Variants in COL11A2 observed in about 807,000 individuals in gnomAD.
COL11A2 encodes the protein collagen type XI alpha 2 chain, also known as collagen alpha-2(XI) chain.
A neutral mutation model predicts 273.4 loss-of-function variants in COL11A2; 116 were observed. That is an observed-to-expected ratio of 0.42 (90% CI 0.36 to 0.49). COL11A2 has a LOEUF of 0.49. COL11A2 is among the 20% of genes least tolerant of loss of function. The pLI is 0.00. For missense variants in COL11A2, 1,866 were observed against 2,309.0 expected (o/e 0.81, Z 3.93); for synonymous variants, 782 against 864.2 (o/e 0.90, Z 1.67).
At chr6:33,193,482 C>T (rs1387677695), upstream of COL11A2, 1 of 149,968 alleles carries the variant, frequency 6.7e-6, no homozygotes, top group African/African-American at 2.4e-5. Context: ...CTCTTGGGCC[C>T]CACGGAACCT....
intron 6 of COL11A2, among the ~76,000 whole-genome samples, chr6:33,185,315 C>T (rs985827794): frequency 8.5e-5 from 13 of 152,106 alleles, no homozygotes; most frequent in African/African-American, 1.4e-4. Flanking sequence ...GGTCCTGGGG[C>T]GGGGCCAGGC....
rs779874618 is a variant in COL11A2 at position 33,179,324 on chromosome 6, A to G, written c.1504-40T>C. ...AGAGGATGGCCGTAAGGAAGGACAC[A>G]GCCAACAGTGGCCTCGGAGTGTTCC... On this transcript the variant is annotated intron_variant, in intron 14 of 65. Transcript: ENST00000341947. The surrounding 1 kb of genome is among the most constrained non-coding windows in gnomAD (Gnocchi z 6.4). The G allele has an allele frequency of 3.8e-6, 6 of 1,597,922 alleles. No homozygotes were observed. The South Asian group carries it at 6.8e-5, about 18-fold the overall frequency.
chr6:33,180,824 T>C, intron 10 of COL11A2, 94 bp from the exon 11 acceptor site: 1 of 1,555,004 alleles, frequency 6.4e-7, no homozygotes, highest in Non-Finnish European at 8.9e-7. Flanking sequence ...AGAACAGATC[T>C]GGGAATCTGG....
At position 33,177,148 on chromosome 6, in the gene COL11A2, A is replaced by G. The variant is rs1262022633; in HGVS notation, c.2016+33T>C. On this transcript the variant is annotated intron_variant, in intron 24 of 65. Coordinates refer to ENST00000341947, the MANE Select transcript of COL11A2 (RefSeq NM_080680.3). The surrounding 1 kb of genome is among the most constrained non-coding windows in gnomAD (Gnocchi z 5.9). Reference sequence around the variant, plus strand: ...GGTTCTCCCTACATCCCCACTCTAAACCCCCTGTCCTCCAAATCACTTAGT... The same window carrying G: ...GGTTCTCCCTACATCCCCACTCTAAGCCCCCTGTCCTCCAAATCACTTAGT... The G allele has an allele frequency of 6.2e-7, 1 of 1,612,402 alleles. No individual in the cohort carries two copies. The highest frequency in any genetic ancestry group is 1.3e-5 in the African/African-American group (1 of 74,714).
chr6:33,172,522 T>C lies in COL11A2; in HGVS notation c.2898+8A>G. On this transcript the variant is annotated splice_region_variant and intron_variant, in intron 39 of 65. Transcript: ENST00000341947. Reference sequence around the variant, plus strand: ...CCCCACTTCCCCTCTGCCTGGCCCCTCACTGACCTTTGTTCCTTCTTTTCC... The same window carrying C: ...CCCCACTTCCCCTCTGCCTGGCCCCCCACTGACCTTTGTTCCTTCTTTTCC... 1 of 1,610,750 alleles carries C rather than the reference T, an allele frequency of 6.2e-7. No individual in the cohort carries two copies. Among genetic ancestry groups the C allele is most frequent in the East Asian group, 2.2e-5 (1 of 44,784 alleles).
chr6:33,184,953 A>G (rs1301590130), intron 7 of COL11A2, 39 bp downstream of exon 7: 6 of 1,521,260 alleles, frequency 3.9e-6, no homozygotes, highest in Non-Finnish European at 5.4e-6. Context: ...ACAGGTGCCC[A>G]CTGCCCCCAG....
rs1227950067 is a variant in COL11A2, at chr6:33,188,496, C to T, written c.472G>A (p.Gly158Ser). ...TCAACAATGAGGGTGACAGACTGGCCCTTCACAGCCACAGCCACACGGTGC... is the reference window on the plus strand; with the variant it reads ...TCAACAATGAGGGTGACAGACTGGCTCTTCACAGCCACAGCCACACGGTGC... ...KWHRVAVAVK[G>S]QSVTLIVDCK... The change falls in exon 4 of 66, where the codon GGC becomes AGC. Residue 158 changes from glycine (G) to serine (S), a missense_variant. Gly to Ser is a moderately conservative substitution (Grantham distance 56, BLOSUM62 0). Coordinates refer to ENST00000341947, the MANE Select transcript of COL11A2 (RefSeq NM_080680.3). 1 of 1,612,958 alleles carries T rather than the reference C, an allele frequency of 6.2e-7. No individual in the cohort carries two copies.
rs745568808 is a variant in COL11A2, at chr6:33,175,679, G to A, written c.2271C>T (p.Gly757=). ...CCCTGGAACCAGGGACTCCAACTTC[G>A]CCCTGTGTGAGAGGGAAGGACAGGT... is the stretch of plus-strand genomic sequence containing the variant. ...KGDIGVKGDR[G]EVGVPGSRGE... Residue 757 remains glycine (G), a splice_region_variant and synonymous_variant, in exon 30 of 66, where the codon GGC becomes GGT. Coordinates refer to ENST00000341947, the MANE Select transcript of COL11A2 (RefSeq NM_080680.3). The A allele has an allele frequency of 1.7e-4, 273 of 1,612,734 alleles. No individual in the cohort carries two copies. The highest frequency in any genetic ancestry group is 2.1e-4 in the Non-Finnish European group (251 of 1,179,886).
rs777156156 is a variant in COL11A2 at position 33,168,977 on chromosome 6, G to C, written c.3830C>G (p.Pro1277Arg). 3 of 1,609,652 alleles carry C rather than the reference G, an allele frequency of 1.9e-6. No individual in the cohort carries two copies. In the Admixed American group the frequency reaches 5.0e-5, roughly 27 times the overall value. ...GPVGFPGDPG[P>R]PGEGGPRGQD... ...CACCCGAGGGCCACCTTCTCCAGGGGGGCCAGGGTCACCAGGAAAACCAAC... is the reference window on the plus strand; with the variant it reads ...CACCCGAGGGCCACCTTCTCCAGGGCGGCCAGGGTCACCAGGAAAACCAAC... The change falls in exon 52 of 66, where the codon CCC becomes CGC. Residue 1277 changes from proline to arginine, a missense_variant. Pro to Arg is a moderately radical substitution (Grantham distance 103, BLOSUM62 -2). Coordinates refer to ENST00000341947, the MANE Select transcript of COL11A2 (RefSeq NM_080680.3).
rs775576672 is a variant in COL11A2 at position 33,188,516 on chromosome 6, C to T, written c.452G>A (p.Arg151His). 7 of 1,612,984 alleles carry T rather than the reference C, an allele frequency of 4.3e-6. No individual in the cohort carries two copies. Among genetic ancestry groups the T allele is most frequent in the African/African-American group, 2.7e-5 (2 of 75,014 alleles). The change falls in exon 4 of 66, where the codon CGT becomes CAT. Residue 151 changes from arginine to histidine, a missense_variant. Transcript: ENST00000341947. ...GLSLADGKWH[R>H]VAVAVKGQSV... ...CTGGCCCTTCACAGCCACAGCCACACGGTGCCACCTGGAAATGGTGGAAGA... is the reference window on the plus strand; with the variant it reads ...CTGGCCCTTCACAGCCACAGCCACATGGTGCCACCTGGAAATGGTGGAAGA...
At chr6:33,180,133 A>AGTGATGATCTTTGAT in intron 12 of COL11A2, 125 bp downstream of exon 12, 12 of 1,050,056 alleles carry the variant, frequency 1.1e-5, no homozygotes, top group Non-Finnish European at 1.6e-5. Context: ...ATCCCTTTGG[A>AGTGATGATCTTTGAT]GTGATGATCT....
chr6:33,171,438 A>G, intron 43 of COL11A2, 29 bp downstream of exon 43: 1 of 1,611,210 alleles, frequency 6.2e-7, no homozygotes, highest in Non-Finnish European at 8.5e-7. Context: ...TGGAAAGAAG[A>G]TTGGTCGGGG....
chr6:33,165,789 G>A lies in COL11A2; in HGVS notation c.4510C>T (p.Leu1504=), dbSNP rs778359244. The change falls in exon 63 of 66, where the codon CTG becomes TTG. Residue 1504 remains leucine (L), a synonymous_variant. Transcript: ENST00000341947. The surrounding 1 kb of genome is among the most constrained non-coding windows in gnomAD (Gnocchi z 7.7). ...GTCTTCTTGGGCATCTGAATGGGCA[G>A]TGGCTGGATCACCTCGCCTGGGGGA... The part of the protein sequence containing the change: ...PGPPGEVIQP[L]PIQMPKKTRR... 6.2e-7 allele frequency: 1 copy of A among 1,613,508 alleles called. No individual in the cohort carries two copies. The highest frequency in any genetic ancestry group is 8.5e-7 in the Non-Finnish European group (1 of 1,180,018).
At position 33,164,946 on chromosome 6, in the gene COL11A2, G is replaced by A; in HGVS notation, c.4769C>T (p.Pro1590Leu). The A allele has an allele frequency of 6.3e-7, 1 of 1,576,704 alleles. No homozygotes were observed. Among genetic ancestry groups the A allele is most frequent in the African/African-American group, 1.3e-5 (1 of 74,296 alleles). ...ELPDGEYWVD[P>L]NQGCARDAFR... ...GGCATCCCGAGCACAGCCCTGGTTG[G>A]GGTCGACCCAGTACTCTCCTGTTGG... The change falls in exon 64 of 66, where the codon CCC (proline) becomes CTC (leucine). Residue 1590 changes from proline (P) to leucine (L), a missense_variant. Physicochemically the swap from Pro to Leu is moderately conservative, Grantham distance 98 (BLOSUM62 -3). Coordinates refer to ENST00000341947, the MANE Select transcript of COL11A2 (RefSeq NM_080680.3). The surrounding 1 kb of genome is among the most constrained non-coding windows in gnomAD (Gnocchi z 4.7).
Position 33,176,629 on chromosome 6 carries a change from A to G in COL11A2, c.2115+92T>C. On this transcript the variant is annotated intron_variant, in intron 26 of 65. Transcript: ENST00000341947. The surrounding 1 kb of genome is among the most constrained non-coding windows in gnomAD (Gnocchi z 4.9). ...GGAATTGAGAATGTGGCAGAGCCAT[A>G]TGAATAATGAGACAAGGGAATCCCA... 2 of 1,418,298 alleles carry G rather than the reference A, an allele frequency of 1.4e-6. No homozygotes were observed. Among genetic ancestry groups the G allele is most frequent in the Non-Finnish European group, 2.0e-6 (2 of 1,013,426 alleles). 87.9% of individuals were successfully genotyped at this position (1,418,298 alleles called of 1,614,324 possible). A position where few individuals can be genotyped will look rare whatever the true frequency, so the allele number is the denominator to read the frequency against.
Position 33,167,779 on chromosome 6 carries a change from T to C in COL11A2, c.4014+20A>G. The C allele has an allele frequency of 1.2e-6, 2 of 1,612,566 alleles. No individual in the cohort carries two copies. The highest frequency in any genetic ancestry group is 1.7e-6 in the Non-Finnish European group (2 of 1,179,836). On this transcript the variant is annotated intron_variant, in intron 55 of 65. Transcript: ENST00000341947. The surrounding 1 kb of genome is among the most constrained non-coding windows in gnomAD (Gnocchi z 6.1). ...GGAGGCGGAGGGGATGCTCCAGCACTAGGGCAGCCTGTCCCTCACCTTGGC... is the reference window on the plus strand; with the variant it reads ...GGAGGCGGAGGGGATGCTCCAGCACCAGGGCAGCCTGTCCCTCACCTTGGC...
At position 33,177,289 on chromosome 6, in the gene COL11A2, T is replaced by G. The variant is rs1362942144; in HGVS notation, c.1972-64A>C. On this transcript the variant is annotated intron_variant, in intron 23 of 65. Coordinates refer to ENST00000341947, the MANE Select transcript of COL11A2 (RefSeq NM_080680.3). The surrounding 1 kb of genome is among the most constrained non-coding windows in gnomAD (Gnocchi z 5.9). ...GGTCTCTTCTATCCAGCCTCCCGGA[T>G]TCAAAGCATGAGCAACAAGGGCCTG... The G allele has an allele frequency of 6.2e-7, 1 of 1,608,910 alleles. No individual in the cohort carries two copies. The highest frequency in any genetic ancestry group is 2.2e-5 in the East Asian group (1 of 44,858).
In COL11A2 at chr6:33,181,016, A is replaced by C. The variant is rs1420833558; in HGVS notation, c.1180-11T>G. The stretch of plus-strand genomic sequence containing the variant: ...CTCCACGAGCATACCCTGTGGAGTC[A>C]AAGGTTAAAAATCAGAGGCGACAGG... On this transcript the variant is annotated splice_polypyrimidine_tract_variant and intron_variant, in intron 9 of 65. Transcript: ENST00000341947. 6.2e-7 allele frequency: 1 copy of C among 1,614,060 alleles called. No individual in the cohort carries two copies. The highest frequency in any genetic ancestry group is 1.7e-5 in the Admixed American group (1 of 60,016).
chr6:33,167,511 G>T lies in COL11A2; in HGVS notation c.4037C>A (p.Ala1346Asp). The T allele has an allele frequency of 6.2e-7, 1 of 1,612,852 alleles. No individual in the cohort carries two copies. Among genetic ancestry groups the T allele is most frequent in the African/African-American group, 1.3e-5 (1 of 75,052 alleles). The change falls in exon 56 of 66, where the codon GCC (alanine) becomes GAC (aspartate). Residue 1346 changes from alanine (A) to aspartate (D), a missense_variant. Transcript: ENST00000341947. The surrounding 1 kb of genome is among the most constrained non-coding windows in gnomAD (Gnocchi z 6.1). ...ACCCACCGGGCCTGTCTTCCCCGGG[G>T]CACCTATAGCGCCAGGATCTCCCTG... The part of the protein sequence containing the change: ...GAKGDPGAIG[A>D]PGKTGPVGPA...
Sources: gnomAD v4.1 joint callset for allele counts (sites outside exome capture counted in the v4.1 genomes callset) on GRCh38, gnomAD v4.1.1 for gene constraint, Gnocchi (gnomAD v3.1) non-coding constraint, MANE v1.5 for transcripts, NCBI Gene and HGNC (gene_info 2026-07-23, HGNC 2026-07-21) for gene names.